Variants in PBX3 observed in about 807,000 individuals in gnomAD.
PBX3 encodes the protein PBX homeobox 3.
Under a neutral mutation model 48.5 loss-of-function variants are expected in PBX3, and 14 were observed. The observed-to-expected ratio is 0.29, with a 90% CI of 0.19 to 0.45. The LOEUF is 0.45. Ranked by LOEUF, PBX3 falls within the 20% of genes least tolerant of loss-of-function variation. The probability of loss-of-function intolerance (pLI) is 1.00; values close to 1 mark genes in which losing one functional copy is unlikely to be tolerated. For missense variants in PBX3, 386 were observed against 546.7 expected, an observed-to-expected ratio of 0.71 and a Z score of 2.93; for synonymous variants, 210 against 200.3, an observed-to-expected ratio of 1.05 and a Z score of -0.41.
At chr9:125,955,323 G>C (rs367748867) in intron 5 of PBX3, among the ~76,000 whole-genome samples, 66 of 152,256 alleles carry the variant, frequency 4.3e-4, no homozygotes, top group African/African-American at 1.6e-3. Context: ...CAGGTGCCTT[G>C]CTCCTGCTCC....
intron 3 of PBX3, among the ~76,000 whole-genome samples, chr9:125,922,117 T>A (rs770993574): frequency 3.3e-5 from 5 of 152,178 alleles, no homozygotes; most frequent in Non-Finnish European, 5.9e-5. Context: ...AACTTTAATT[T>A]TCTGTGTAAA....
chr9:125,811,252 A>G (rs1048108979), intron 2 of PBX3, among the ~76,000 whole-genome samples: 19 of 152,218 alleles, frequency 1.2e-4, no homozygotes, highest in African/African-American at 3.6e-4. Flanking sequence ...ACAATATACC[A>G]TAGACTGGGT....
At chr9:125,821,992 A>C (rs1438529497) in intron 2 of PBX3, among the ~76,000 whole-genome samples, 1 of 151,836 alleles carries the variant, frequency 6.6e-6, no homozygotes. Context: ...ATTTTAATTA[A>C]GAATTAATTA....
At chr9:125,950,773 C>T (rs889325291) in intron 5 of PBX3, among the ~76,000 whole-genome samples, 15 of 152,060 alleles carry the variant, frequency 9.9e-5, no homozygotes, top group African/African-American at 3.4e-4. Flanking sequence ...TGAGCCACTG[C>T]GCCTGGCCAA....
chr9:125,809,114 A>G (rs762445614), intron 2 of PBX3, among the ~76,000 whole-genome samples: 6 of 152,248 alleles, frequency 3.9e-5, no homozygotes, highest in Non-Finnish European at 5.9e-5. Context: ...GACTGCAAGA[A>G]GGATACCTGT....
chr9:125,759,309 C>G lies in PBX3; in HGVS notation c.274+10686C>G, dbSNP rs1385190993. Among the ~76,000 whole-genome samples the G allele has an allele frequency of 6.6e-6, 1 of 152,152 alleles. No homozygotes were observed. Among genetic ancestry groups the G allele is most frequent in the Non-Finnish European group, 1.5e-5 (1 of 68,034 alleles). The stretch of plus-strand genomic sequence containing the variant: ...GAAGAAACAATTGACTTTAGCTTTT[C>G]TGTTGTTAAAGTGGCCCCTAGTGAT... On this transcript the variant is annotated intron_variant, in intron 2 of 8. Transcript: ENST00000373489. This position sits in a 1 kb window ranked among gnomAD's most constrained non-coding sequence, Gnocchi z 4.2.
At chr9:125,923,870 T>G (rs1391627732) in intron 3 of PBX3, among the ~76,000 whole-genome samples, 1 of 151,748 alleles carries the variant, frequency 6.6e-6, no homozygotes, top group Admixed American at 6.6e-5. Context: ...CCAGCCTATT[T>G]TGTTTTATTT....
chr9:125,887,845 ATT>A (rs1226368286), intron 2 of PBX3, among the ~76,000 whole-genome samples: 1 of 152,194 alleles, frequency 6.6e-6, no homozygotes, highest in Non-Finnish European at 1.5e-5. Flanking sequence ...ATAAAGCAGC[ATT>A]TGTTAATATA....
chr9:125,786,727 ATTT>A (rs34887904), intron 2 of PBX3, among the ~76,000 whole-genome samples: 1 of 143,804 alleles, frequency 7.0e-6, no homozygotes, highest in African/African-American at 2.5e-5. Context: ...GTATGTAGAG[ATTT>A]TTTTTTTTTT....
Position 125,805,191 on chromosome 9 carries a change from G to A in PBX3, c.274+56568G>A, listed in dbSNP as rs540321068. 8.5e-5 allele frequency among the ~76,000 whole-genome samples: 13 copies of A among 152,134 alleles called. No individual in the cohort carries two copies. The East Asian group carries it at 2.3e-3, about 27-fold the overall frequency. ...GGCTTAAAAAAAAAAACTGGGAGAA[G>A]AGCATTCCAGGAAGAGGGACTGCCA... On this transcript the variant is annotated intron_variant, in intron 2 of 8. Coordinates refer to ENST00000373489, the MANE Select transcript of PBX3 (RefSeq NM_006195.6).
At chr9:125,882,526 C>T (rs1366048950) in intron 2 of PBX3, among the ~76,000 whole-genome samples, 2 of 152,066 alleles carry the variant, frequency 1.3e-5, no homozygotes, top group African/African-American at 4.8e-5. Flanking sequence ...GTAAAGAAGG[C>T]GCTATAGGTT....
At chr9:125,766,049 G>C (rs1245200361) in intron 2 of PBX3, among the ~76,000 whole-genome samples, 3 of 152,122 alleles carry the variant, frequency 2.0e-5, no homozygotes, top group Admixed American at 2.0e-4. Flanking sequence ...GGGAGGACTA[G>C]TTTTATTTTA....
chr9:125,820,281 A>G (rs7857215), intron 2 of PBX3, among the ~76,000 whole-genome samples: 9,002 of 152,224 alleles, frequency 0.059, 612 homozygotes, highest in East Asian at 0.17. Context: ...ACCCAAATAG[A>G]TTGTGGTGTG....
At chr9:125,790,498 C>T (rs908087376) in intron 2 of PBX3, among the ~76,000 whole-genome samples, 5 of 152,022 alleles carry the variant, frequency 3.3e-5, no homozygotes, top group Non-Finnish European at 5.9e-5. Flanking sequence ...AGGCAATCTG[C>T]TCGCCTCAGC....
intron 2 of PBX3, among the ~76,000 whole-genome samples, chr9:125,756,300 C>T (rs1358323054): frequency 6.6e-6 from 1 of 152,098 alleles, no homozygotes; most frequent in South Asian, 2.1e-4. Context: ...TAAGCTAGGC[C>T]TCTGAATTTT....
chr9:125,817,058 C>T (rs1838487514), intron 2 of PBX3, among the ~76,000 whole-genome samples: 1 of 152,048 alleles, frequency 6.6e-6, no homozygotes, highest in African/African-American at 2.4e-5. Context: ...ACATTTTTTG[C>T]TTCTTAGTCT....
intron 6 of PBX3, 126 bp downstream of exon 6, chr9:125,960,975 C>A: frequency 3.3e-6 from 3 of 913,836 alleles, no homozygotes; most frequent in Non-Finnish European, 4.9e-6. Flanking sequence ...GATTTATGTT[C>A]AAATGCAGGC....
intron 2 of PBX3, among the ~76,000 whole-genome samples, chr9:125,901,848 C>G (rs745800044): frequency 1.3e-5 from 2 of 151,634 alleles, no homozygotes; most frequent in Non-Finnish European, 3.0e-5. Flanking sequence ...CTTCTACATT[C>G]TTTTCTTGTC....
At chr9:125,810,776 A>C (rs1564667589) in intron 2 of PBX3, among the ~76,000 whole-genome samples, 1 of 152,228 alleles carries the variant, frequency 6.6e-6, no homozygotes, top group Non-Finnish European at 1.5e-5. Flanking sequence ...GGAAGAAAGA[A>C]GTGTGAAGAA....
Sources: gnomAD v4.1 joint callset for allele counts (sites outside exome capture counted in the v4.1 genomes callset) on GRCh38, gnomAD v4.1.1 for gene constraint, Gnocchi (gnomAD v3.1) non-coding constraint, MANE v1.5 for transcripts, NCBI Gene and HGNC (gene_info 2026-07-23, HGNC 2026-07-21) for gene names.